Variants in DEPDC5 observed in about 807,000 individuals in gnomAD.
DEPDC5 encodes GATOR1 complex protein DEPDC5.
In DEPDC5, 73 loss-of-function variants were observed where a neutral mutation model predicts 217.3. The ratio of observed to expected loss-of-function variants is 0.34; its 90% CI spans 0.28 to 0.41. The LOEUF (loss-of-function observed/expected upper bound fraction) is 0.41. Ranked by LOEUF, DEPDC5 falls within the 10% of genes least tolerant of loss-of-function variation. DEPDC5 has a pLI of 1.00. For synonymous variants in DEPDC5, 733 were observed against 756.7 expected, an observed-to-expected ratio of 0.97 and a Z score of 0.51; for missense variants, 1,675 against 2,070.1, an observed-to-expected ratio of 0.81 and a Z score of 3.70.
At chr22:31,772,726 G>A (rs541510858) in intron 7 of DEPDC5, among the ~76,000 whole-genome samples, 1 of 151,340 alleles carries the variant, frequency 6.6e-6, no homozygotes, top group Non-Finnish European at 1.5e-5. Context: ...AACCTATTCA[G>A]ATCTCTCTCA....
chr22:31,830,936 T>C (rs1159824255), intron 24 of DEPDC5: 3 of 152,190 alleles, frequency 2.0e-5, no homozygotes, highest in Admixed American at 2.0e-4. Flanking sequence ...GTTTTGCAAA[T>C]GCCAGTTTGC....
intron 31 of DEPDC5, among the ~76,000 whole-genome samples, chr22:31,848,434 C>T (rs914209387): frequency 3.3e-5 from 5 of 152,218 alleles, no homozygotes; most frequent in Non-Finnish European, 5.9e-5. Flanking sequence ...CAGTTCTTGA[C>T]TTCTGTGTAC....
At chr22:31,826,571 A>G (rs2090159297) in intron 24 of DEPDC5, 4 of 372,778 alleles carry the variant, frequency 1.1e-5, no homozygotes, top group Admixed American at 1.0e-4. Context: ...TTCAGCTGCA[A>G]CAATACCTCT....
rs888260829 is a variant in DEPDC5, at chr22:31,907,513, G to T, written c.*1016G>T. 1 of 152,030 alleles carries T rather than the reference G, an allele frequency of 6.6e-6. No individual in the cohort carries two copies. The allele number at this position is 152,030 out of a possible 1,614,324, so 9.4% of individuals were successfully genotyped here. On this transcript the variant is annotated 3_prime_UTR_variant, in exon 43 of 43. Coordinates refer to ENST00000651528, the MANE Select transcript of DEPDC5 (RefSeq NM_001242896.3). ...AGCGATTCTCCTGTCTCGGCCTCCC[G>T]AGTAGCTGGGATTACAGGCACCTGC...
chr22:31,787,945 A>G (rs887989488), intron 10 of DEPDC5, among the ~76,000 whole-genome samples: 2 of 152,150 alleles, frequency 1.3e-5, no homozygotes, highest in South Asian at 2.1e-4. Flanking sequence ...CTCAAGAACG[A>G]AAAGAAAAAA....
At chr22:31,815,331 C>T (rs2088947294) in intron 21 of DEPDC5, 119 bp downstream of exon 21, 1 of 1,031,734 alleles carries the variant, frequency 9.7e-7, no homozygotes, top group Non-Finnish European at 1.5e-6. Flanking sequence ...GATTTCTTTG[C>T]CAGTGCAGTA....
chr22:31,882,436 T>C (rs1346382238), intron 38 of DEPDC5, among the ~76,000 whole-genome samples: 4 of 152,204 alleles, frequency 2.6e-5, no homozygotes, highest in Admixed American at 2.6e-4. Context: ...ATGTGAGAGC[T>C]GAAGAAAGCA....
Position 31,846,939 on chromosome 22 carries a change from G to A in DEPDC5, c.3127G>A (p.Ala1043Thr), listed in dbSNP as rs1304494943. The A allele has an allele frequency of 6.2e-7, 1 of 1,614,134 alleles. No individual in the cohort carries two copies. The highest frequency in any genetic ancestry group is 1.3e-5 in the African/African-American group (1 of 74,944). The change falls in exon 31 of 43, where the codon GCC (alanine) becomes ACC (threonine). Residue 1043 changes from alanine to threonine, a missense_variant. This residue lies in a region of DEPDC5 where 293 missense variants were observed against 386.1 expected (regional missense o/e 0.76). Coordinates refer to ENST00000651528, the MANE Select transcript of DEPDC5 (RefSeq NM_001242896.3). ...VGKKGTSALS[A>T]LLEMEASQKC... is the part of the protein sequence containing the mutation. ...GAAGAAGGGAACCTCAGCTCTCTCT[G>A]CCCTGTTGGAGATGGAGGCCAGTCA...
At chr22:31,856,155 G>GCACACACACACACACA (rs136863) in intron 31 of DEPDC5, among the ~76,000 whole-genome samples, 5 of 140,570 alleles carry the variant, frequency 3.6e-5, no homozygotes, top group Non-Finnish European at 7.7e-5. Flanking sequence ...GGGCCAACGC[G>GCACACACACACACACA]CACACACACA....
At chr22:31,854,304 C>T (rs138600973) in intron 31 of DEPDC5, among the ~76,000 whole-genome samples, 1 of 152,324 alleles carries the variant, frequency 6.6e-6, no homozygotes, top group Non-Finnish European at 1.5e-5. Context: ...TACATGTGGA[C>T]TGTCGTGTGC....
chr22:31,881,428 C>T (rs2093173225), intron 38 of DEPDC5, among the ~76,000 whole-genome samples: 1 of 152,138 alleles, frequency 6.6e-6, no homozygotes, highest in Non-Finnish European at 1.5e-5. Context: ...AGCTCCTCCT[C>T]CTTTCCCTTA....
intron 25 of DEPDC5, among the ~76,000 whole-genome samples, chr22:31,834,815 C>T (rs1413262301): frequency 3.9e-5 from 6 of 152,144 alleles, no homozygotes; most frequent in Admixed American, 6.5e-5. Flanking sequence ...AGCCGTGAGC[C>T]ACCTCGCCCA....
chr22:31,841,066 G>T (rs199681067), intron 27 of DEPDC5, among the ~76,000 whole-genome samples: 1 of 152,274 alleles, frequency 6.6e-6, no homozygotes, highest in Non-Finnish European at 1.5e-5. Flanking sequence ...CCAACAGCCA[G>T]CAGAGTGTTT....
At chr22:31,904,236 G>A (rs1359728392) in intron 41 of DEPDC5, among the ~76,000 whole-genome samples, 2 of 152,184 alleles carry the variant, frequency 1.3e-5, no homozygotes, top group African/African-American at 4.8e-5. Flanking sequence ...TGGGGCAGGT[G>A]GAGATGATTA....
intron 20 of DEPDC5, 151 bp from the exon 21 acceptor site, chr22:31,814,841 G>A (rs2088880378): frequency 2.9e-6 from 2 of 698,998 alleles, no homozygotes; most frequent in Admixed American, 2.5e-5. Flanking sequence ...TAAGGGTGAA[G>A]TACCGCATAC....
intron 24 of DEPDC5, 73 bp from the exon 25 acceptor site, chr22:31,833,842 T>C: frequency 7.4e-7 from 1 of 1,355,728 alleles, no homozygotes; most frequent in Non-Finnish European, 9.9e-7. Flanking sequence ...GTTTGCCTTT[T>C]TCAACCATAA....
chr22:31,867,657 C>T (rs778829083), intron 33 of DEPDC5, among the ~76,000 whole-genome samples: 1 of 152,200 alleles, frequency 6.6e-6, no homozygotes, highest in Non-Finnish European at 1.5e-5. Flanking sequence ...TGCTTTCTCA[C>T]TTTCTTACTC....
chr22:31,892,478 G>A (rs1371853872), intron 38 of DEPDC5, among the ~76,000 whole-genome samples: 1 of 152,312 alleles, frequency 6.6e-6, no homozygotes, highest in Non-Finnish European at 1.5e-5. Flanking sequence ...GCGGTCAGGA[G>A]TTTGAGACCA....
intron 34 of DEPDC5, among the ~76,000 whole-genome samples, chr22:31,871,400 C>A (rs1864193286): frequency 6.6e-6 from 1 of 152,228 alleles, no homozygotes; most frequent in Non-Finnish European, 1.5e-5. Context: ...TCTGGGGCTG[C>A]TCACCTGGCT....
Sources: gnomAD v4.1 joint callset for allele counts (sites outside exome capture counted in the v4.1 genomes callset) on GRCh38, gnomAD v4.1.1 for gene constraint, gnomAD v4.1.1 regional missense constraint, MANE v1.5 for transcripts, NCBI Gene and HGNC (gene_info 2026-07-23, HGNC 2026-07-21) for gene names.